TRRAP: variants seen among roughly 807,000 people sequenced by gnomAD.
TRRAP encodes transformation/transcription domain associated protein.
TRRAP carries 41 observed loss-of-function variants against 438.8 expected under a neutral mutation model. The observed-to-expected ratio is 0.09, with a 90% confidence interval of 0.07 to 0.12. TRRAP has a LOEUF of 0.12. Ranked by LOEUF, TRRAP falls within the 10% of genes least tolerant of loss-of-function variation. TRRAP has a pLI of 1.00. For synonymous variants in TRRAP, 1,994 were observed against 1,962.9 expected, an observed-to-expected ratio of 1.02 and a Z score of -0.42; for missense variants, 3,122 against 5,055.1, an observed-to-expected ratio of 0.62 and a Z score of 11.60.
chr7:98,929,875 T>A (rs1414685042), intron 23 of TRRAP, 114 bp from the exon 24 acceptor site: 2 of 1,122,596 alleles, frequency 1.8e-6, no homozygotes, highest in Non-Finnish European at 2.6e-6. Context: ...ATTACGGGTG[T>A]GAGCCGCCGT....
intron 7 of TRRAP, 45 bp downstream of exon 7, chr7:98,895,865 T>A: frequency 6.8e-7 from 1 of 1,477,622 alleles, no homozygotes. Context: ...TGTTTATACT[T>A]CCTTATTCCA....
rs2116467619 is a variant in TRRAP at position 98,921,828 on chromosome 7, G to A, written c.2698G>A (p.Gly900Ser). The change falls in exon 21 of 73, where the codon GGC (glycine) becomes AGC (serine). Residue 900 changes from glycine to serine, a missense_variant. Around this residue, in one of 24 missense-constraint regions of TRRAP, gnomAD observed 133 missense variants for 188.6 expected, o/e 0.71. Coordinates refer to ENST00000456197, the MANE Select transcript of TRRAP (RefSeq NM_001375524.1). ...VAYRVLGKFG[G>S]SNRKMLKESQ... Reference sequence around the variant, plus strand: ...CTACCGTGTGCTCGGTAAGTTTGGCGGCAGTAACAGGAAGATGCTGAAGGA... The same window carrying A: ...CTACCGTGTGCTCGGTAAGTTTGGCAGCAGTAACAGGAAGATGCTGAAGGA... 5 of 1,614,194 alleles carry A rather than the reference G, an allele frequency of 3.1e-6. No individual in the cohort carries two copies. Among genetic ancestry groups the A allele is most frequent in the South Asian group, 1.1e-5 (1 of 91,086 alleles).
chr7:98,953,173 G>A lies in TRRAP; in HGVS notation c.5470G>A (p.Asp1824Asn). 6.2e-7 allele frequency: 1 copy of A among 1,612,334 alleles called. No homozygotes were observed. Among genetic ancestry groups the A allele is most frequent in the Non-Finnish European group, 8.5e-7 (1 of 1,179,910 alleles). Residue 1824 changes from aspartate (D) to asparagine (N), a missense_variant, in exon 40 of 73, where the codon GAC (aspartate) becomes AAC (asparagine). This residue lies in a region of TRRAP where 272 missense variants were observed against 348.5 expected (regional missense o/e 0.78). Coordinates refer to ENST00000456197, the MANE Select transcript of TRRAP (RefSeq NM_001375524.1). ...TCCTGCTGTCCCTGCACAGGTCCTGGACCCCGAGAAGCAGGCGGACATGCT... is the reference window on the plus strand; with the variant it reads ...TCCTGCTGTCCCTGCACAGGTCCTGAACCCCGAGAAGCAGGCGGACATGCT... ...ITSVFITKVL[D>N]PEKQADMLDS...
chr7:98,917,355 G>T (rs1254343029), intron 19 of TRRAP, 68 bp from the exon 20 acceptor site: 9 of 1,568,632 alleles, frequency 5.7e-6, no homozygotes, highest in African/African-American at 2.7e-5. Context: ...CAGTTCTTTT[G>T]TGTGTTTCAC....
At chr7:98,988,127 C>T (rs1486521494) in intron 62 of TRRAP, among the ~76,000 whole-genome samples, 1 of 152,166 alleles carries the variant, frequency 6.6e-6, no homozygotes, top group Non-Finnish European at 1.5e-5. Context: ...GCGTCTGTAT[C>T]ATAAAGCACC....
rs1295948285 is a variant in TRRAP, at chr7:98,910,193, T to A, written c.1488T>A (p.Pro496=). The A allele has an allele frequency of 1.0e-5, 16 of 1,606,870 alleles. No individual in the cohort carries two copies. The highest frequency in any genetic ancestry group is 1.4e-5 in the Non-Finnish European group (16 of 1,178,608). ...GVPTAPAAPG[P]APSPAPVPAP... ...CCACTGCCCCTGCAGCTCCTGGCCC[T>A]GCTCCCTCCCCAGCCCCTGTCCCTG... Residue 496 remains proline, a synonymous_variant, in exon 15 of 73, where the codon CCT becomes CCA. Coordinates refer to ENST00000456197, the MANE Select transcript of TRRAP (RefSeq NM_001375524.1).
chr7:98,927,793 T>TTTCTGCTCCCAGGATCCTCA (rs1246218797), intron 23 of TRRAP, among the ~76,000 whole-genome samples: 2 of 152,066 alleles, frequency 1.3e-5, no homozygotes, highest in African/African-American at 4.8e-5. Context: ...GCGATGCCCG[T>TTTCTGCTCCCAGGATCCTCA]TTCTGCTCCC....
At chr7:98,944,439 A>C (rs1227934035) in intron 31 of TRRAP, among the ~76,000 whole-genome samples, 1 of 152,182 alleles carries the variant, frequency 6.6e-6, no homozygotes, top group Admixed American at 6.5e-5. Context: ...GGAGTCGTGG[A>C]TACTGGGAAG....
intron 3 of TRRAP, among the ~76,000 whole-genome samples, chr7:98,885,155 C>T (rs1387994422): frequency 6.6e-6 from 1 of 152,004 alleles, no homozygotes; most frequent in African/African-American, 2.4e-5. Context: ...TCTTGCTGTA[C>T]AGTGGTGCAG....
At position 98,930,352 on chromosome 7, in the gene TRRAP, G is replaced by A. The variant is rs1324483885; in HGVS notation, c.3393+146G>A. The A allele has an allele frequency of 4.8e-5, 51 of 1,069,008 alleles. 1 individual carries two copies. The South Asian group carries it at 6.5e-4, about 14-fold the overall frequency. 66.2% of individuals were successfully genotyped at this position (1,069,008 alleles called of 1,614,324 possible). A position where few individuals can be genotyped will look rare whatever the true frequency, so the allele number is the denominator to read the frequency against. ...AGCACTTTGAGAGGCCAAGGCGGGCGGCTCACCTGAGGTTGGGAGTTCGAG... is the reference window on the plus strand; with the variant it reads ...AGCACTTTGAGAGGCCAAGGCGGGCAGCTCACCTGAGGTTGGGAGTTCGAG... On this transcript the variant is annotated intron_variant, in intron 24 of 72. Transcript: ENST00000456197.
At position 98,881,971 on chromosome 7, in the gene TRRAP, A is replaced by G. The variant is rs1554403186; in HGVS notation, c.101-4A>G. 12 of 1,611,032 alleles carry G rather than the reference A, an allele frequency of 7.4e-6. No homozygotes were observed. The highest frequency in any genetic ancestry group is 5.9e-6 in the Non-Finnish European group (7 of 1,179,304). The stretch of plus-strand genomic sequence containing the variant: ...TTACCTGATGCTTGTTTTGCCGTTC[A>G]CAGCTGATGAAACAAAGTTGAAAAT... On this transcript the variant is annotated splice_region_variant and splice_polypyrimidine_tract_variant and intron_variant, in intron 2 of 72. Coordinates refer to ENST00000456197, the MANE Select transcript of TRRAP (RefSeq NM_001375524.1).
intron 23 of TRRAP, 69 bp downstream of exon 23, chr7:98,927,435 T>A (rs1554411792): frequency 1.3e-6 from 2 of 1,542,398 alleles, no homozygotes; most frequent in Non-Finnish European, 1.8e-6. Context: ...AAAAACTTGC[T>A]CAGGACATTT....
intron 65 of TRRAP, among the ~76,000 whole-genome samples, chr7:98,992,589 T>G (rs552249282): frequency 7.0e-4 from 94 of 133,566 alleles, no homozygotes; most frequent in Middle Eastern, 3.7e-3. Flanking sequence ...GTGTGTGTGT[T>G]TAAGTTATGA....
chr7:98,954,700 G>A (rs1158920651), intron 40 of TRRAP, among the ~76,000 whole-genome samples: 1 of 152,166 alleles, frequency 6.6e-6, no homozygotes, highest in Non-Finnish European at 1.5e-5. Flanking sequence ...CCTCTCACTT[G>A]AGTGACTGCA....
Position 98,976,821 on chromosome 7 carries a change from A to G in TRRAP, c.8247+51A>G. 1 of 1,602,666 alleles carries G rather than the reference A, an allele frequency of 6.2e-7. No individual in the cohort carries two copies. Among genetic ancestry groups the G allele is most frequent in the Non-Finnish European group, 8.5e-7 (1 of 1,172,954 alleles). ...TTACCTCTTCCCTGCCAGTGACTTC[A>G]CACTTTAAATAAATACTCCTCCCAA... is the stretch of plus-strand genomic sequence containing the variant. On this transcript the variant is annotated intron_variant, in intron 55 of 72. Transcript: ENST00000456197. This position sits in a 1 kb window ranked among gnomAD's most constrained non-coding sequence, Gnocchi z 4.6.
chr7:98,889,467 G>GT (rs1427861472), intron 3 of TRRAP, among the ~76,000 whole-genome samples: 1 of 151,422 alleles, frequency 6.6e-6, no homozygotes, highest in Non-Finnish European at 1.5e-5. Context: ...ACTGTCCAAA[G>GT]TTTCTACTTC....
intron 61 of TRRAP, 40 bp from the exon 62 acceptor site, chr7:98,984,904 A>G (rs1484174532): frequency 7.2e-7 from 1 of 1,386,314 alleles, no homozygotes; most frequent in African/African-American, 1.4e-5. Flanking sequence ...ATTGTTTAGA[A>G]ATTTCAAGAA....
At chr7:98,880,835 T>C (rs116998152) in intron 1 of TRRAP, among the ~76,000 whole-genome samples, 689 of 152,258 alleles carry the variant, frequency 4.5e-3, no homozygotes, top group Non-Finnish European at 7.7e-3. Flanking sequence ...CAGAAAATGT[T>C]TGCCAACCCC....
intron 35 of TRRAP, 126 bp from the exon 36 acceptor site, chr7:98,949,291 G>A: frequency 8.6e-7 from 1 of 1,167,316 alleles, no homozygotes; most frequent in Non-Finnish European, 1.1e-6. Flanking sequence ...GTGCTTTTTT[G>A]GTAAGCCTTC....
Sources: allele counts gnomAD v4.1 joint callset (sites outside exome capture counted in the v4.1 genomes callset), GRCh38; gene constraint gnomAD v4.1.1; regional missense constraint gnomAD v4.1.1; non-coding constraint Gnocchi (gnomAD v3.1); transcripts MANE v1.5; gene names NCBI Gene and HGNC (gene_info 2026-07-23, HGNC 2026-07-21).